The following TMEM217B variants were observed in gnomAD, a reference collection of about 807,000 sequenced individuals.
The protein encoded by TMEM217B is transmembrane protein 217B.
chr6:37,215,399 AC>A, the TMEM217B span: 7 of 1,242,540 alleles, frequency 5.6e-6, no homozygotes, highest in Non-Finnish European at 7.5e-6. Flanking sequence ...ACATGGTGAA[AC>A]CCCATCTCTA....
the TMEM217B span, among the ~76,000 whole-genome samples, chr6:37,251,446 A>G: frequency 6.6e-6 from 1 of 152,272 alleles, no homozygotes; most frequent in South Asian, 2.1e-4. Context: ...CAAAATAAAA[A>G]TAACAGGAAA....
chr6:37,242,744 C>G, the TMEM217B span, among the ~76,000 whole-genome samples: 1 of 152,168 alleles, frequency 6.6e-6, no homozygotes, highest in Non-Finnish European at 1.5e-5. Context: ...GCTCATCTCT[C>G]AAGGTATTCA....
the TMEM217B span, among the ~76,000 whole-genome samples, chr6:37,247,688 A>G: frequency 6.6e-6 from 1 of 152,128 alleles, no homozygotes; most frequent in African/African-American, 2.4e-5. Context: ...AGGGCAAACT[A>G]TTAAGCCAAC....
the TMEM217B span, among the ~76,000 whole-genome samples, chr6:37,229,594 C>T: frequency 1.3e-5 from 2 of 151,964 alleles, no homozygotes; most frequent in African/African-American, 2.4e-5. Context: ...CACCCGCCTC[C>T]GCCTCCCAAA....
the TMEM217B span, among the ~76,000 whole-genome samples, chr6:37,248,862 G>C: frequency 4.6e-5 from 7 of 152,166 alleles, no homozygotes; most frequent in Admixed American, 3.9e-4. Context: ...ATAGAAATTT[G>C]TTCTCTTAAG....
chr6:37,229,329 C>A, the TMEM217B span, among the ~76,000 whole-genome samples: 19 of 110,110 alleles, frequency 1.7e-4, no homozygotes, highest in East Asian at 4.6e-3. Context: ...TCCCTAGCAA[C>A]TTTCAGTTTT....
chr6:37,229,334 A>AGTTTTTT, the TMEM217B span, among the ~76,000 whole-genome samples: 4 of 30,306 alleles, frequency 1.3e-4, 1 homozygote, highest in African/African-American at 3.1e-4. Flanking sequence ...AGCAACTTTC[A>AGTTTTTT]GTTTTTTTTT....
the TMEM217B span, among the ~76,000 whole-genome samples, chr6:37,228,565 G>A: frequency 2.6e-5 from 4 of 152,144 alleles, no homozygotes; most frequent in Non-Finnish European, 5.9e-5. Flanking sequence ...TTAGCCAGAC[G>A]TGGTGGCATG....
the TMEM217B span, among the ~76,000 whole-genome samples, chr6:37,231,937 T>C: frequency 1.3e-5 from 2 of 151,892 alleles, no homozygotes; most frequent in Non-Finnish European, 2.9e-5. Context: ...TCTCAGTCCC[T>C]AGCCCAGACT....
the TMEM217B span, among the ~76,000 whole-genome samples, chr6:37,256,814 T>G: frequency 1.3e-5 from 2 of 152,154 alleles, no homozygotes; most frequent in South Asian, 4.1e-4. Context: ...CACTCTGGAC[T>G]GGTGCCCGCC....
chr6:37,235,460 G>A, the TMEM217B span, among the ~76,000 whole-genome samples: 2 of 152,076 alleles, frequency 1.3e-5, no homozygotes, highest in Non-Finnish European at 2.9e-5. Context: ...CCGCCTCCCA[G>A]GTTCACGCCA....
At chr6:37,257,759 T>C in the TMEM217B span, 1 of 740,000 alleles carries the variant, frequency 1.4e-6, no homozygotes, top group South Asian at 1.8e-5. Context: ...CGGTGCTGGG[T>C]GGAGGGGTGC....
At chr6:37,232,416 C>T in the TMEM217B span, among the ~76,000 whole-genome samples, 2 of 152,288 alleles carry the variant, frequency 1.3e-5, no homozygotes, top group South Asian at 2.1e-4. Context: ...GACGGAGTCT[C>T]GCTCTGTCGC....
chr6:37,248,652 C>T, the TMEM217B span, among the ~76,000 whole-genome samples: 2 of 152,136 alleles, frequency 1.3e-5, no homozygotes, highest in Non-Finnish European at 2.9e-5. Flanking sequence ...AATGTTCCTG[C>T]CAATTACTAG....
chr6:37,238,247 T>G, the TMEM217B span, among the ~76,000 whole-genome samples: 1 of 152,118 alleles, frequency 6.6e-6, no homozygotes, highest in Non-Finnish European at 1.5e-5. Flanking sequence ...TTTAAAACAT[T>G]CAGAACAGTT....
the TMEM217B span, chr6:37,217,713 C>T: frequency 3.6e-5 from 35 of 985,366 alleles, no homozygotes; most frequent in Non-Finnish European, 4.1e-5. Flanking sequence ...AATCATAGCA[C>T]AAACCCACCC....
chr6:37,246,230 A>T, the TMEM217B span, among the ~76,000 whole-genome samples: 2 of 152,228 alleles, frequency 1.3e-5, no homozygotes, highest in African/African-American at 4.8e-5. Flanking sequence ...TGCAAAATTC[A>T]GTGGCTTAAA....
At chr6:37,221,319 T>G in the TMEM217B span, among the ~76,000 whole-genome samples, 2 of 152,070 alleles carry the variant, frequency 1.3e-5, no homozygotes, top group Non-Finnish European at 2.9e-5. Context: ...CCCAAGTAGC[T>G]GGGACTACAG....
chr6:37,233,164 G>C, the TMEM217B span, among the ~76,000 whole-genome samples: 1 of 149,660 alleles, frequency 6.7e-6, no homozygotes, highest in African/African-American at 2.5e-5. Context: ...CCCACCTACT[G>C]TTTCTCTGGT....
Sources: allele counts gnomAD v4.1 joint callset (sites outside exome capture counted in the v4.1 genomes callset), GRCh38; gene constraint gnomAD v4.1.1; transcripts MANE v1.5; gene names NCBI Gene and HGNC (gene_info 2026-07-23, HGNC 2026-07-21).